PTPRD: variants seen among roughly 807,000 people sequenced by gnomAD.
The protein encoded by PTPRD is receptor-type tyrosine-protein phosphatase delta.
Under a neutral mutation model 214.5 loss-of-function variants are expected in PTPRD, and 34 were observed. That is an observed-to-expected ratio of 0.16 (90% CI 0.12 to 0.21). The LOEUF is 0.21. PTPRD is among the 10% of genes least tolerant of loss of function. The pLI is 1.00. For synonymous variants in PTPRD, 1,128 were observed against 845.7 expected, an observed-to-expected ratio of 1.33 and a Z score of -5.79; for missense variants, 2,545 against 2,398.7, an observed-to-expected ratio of 1.06 and a Z score of -1.27.
intron 9 of PTPRD, among the ~76,000 whole-genome samples, chr9:9,335,272 T>A (rs1595952654): frequency 1.3e-5 from 2 of 152,074 alleles, no homozygotes; most frequent in East Asian, 3.9e-4. Flanking sequence ...GAATTACTCA[T>A]CACCAATCTG....
chr9:9,424,452 T>G (rs2080051237), intron 8 of PTPRD, among the ~76,000 whole-genome samples: 1 of 152,136 alleles, frequency 6.6e-6, no homozygotes, highest in Non-Finnish European at 1.5e-5. Flanking sequence ...GTGTAGAAAT[T>G]CCATAGTTCA....
chr9:10,305,927 T>A (rs894474616), intron 3 of PTPRD, among the ~76,000 whole-genome samples: 1 of 152,110 alleles, frequency 6.6e-6, no homozygotes, highest in South Asian at 2.1e-4. Context: ...ACTGGGTATA[T>A]ACCCAAAGGA....
chr9:8,988,135 G>T (rs955072571), intron 11 of PTPRD, among the ~76,000 whole-genome samples: 23 of 151,976 alleles, frequency 1.5e-4, no homozygotes, highest in African/African-American at 5.6e-4. Flanking sequence ...GCATTTCAAG[G>T]AGGTAGTTGT....
intron 39 of PTPRD, among the ~76,000 whole-genome samples, chr9:8,373,580 G>A (rs967679405): frequency 1.3e-5 from 2 of 151,228 alleles, no homozygotes; most frequent in African/African-American, 2.4e-5. Context: ...TCTCAGAGGT[G>A]AGTCCAGGTG....
chr9:10,349,651 T>A (rs2097149215), intron 2 of PTPRD, among the ~76,000 whole-genome samples: 1 of 152,188 alleles, frequency 6.6e-6, no homozygotes, highest in Non-Finnish European at 1.5e-5. Flanking sequence ...AAAAAGGTCA[T>A]TTTCATTTCA....
At chr9:9,055,020 G>T (rs1353483951) in intron 10 of PTPRD, among the ~76,000 whole-genome samples, 9 of 152,232 alleles carry the variant, frequency 5.9e-5, no homozygotes, top group African/African-American at 2.2e-4. Context: ...TTACATATTT[G>T]CAAGGACTGA....
At chr9:9,534,107 T>A (rs1336043283) in intron 8 of PTPRD, among the ~76,000 whole-genome samples, 4 of 151,662 alleles carry the variant, frequency 2.6e-5, no homozygotes, top group Non-Finnish European at 5.9e-5. Context: ...CAAAAGAGAG[T>A]GCTCTTATAA....
chr9:9,161,171 T>G (rs1426813785), intron 10 of PTPRD, among the ~76,000 whole-genome samples: 1 of 152,098 alleles, frequency 6.6e-6, no homozygotes, highest in Non-Finnish European at 1.5e-5. Flanking sequence ...TATTGTATAT[T>G]TCAGAATAAG....
At chr9:8,476,387 G>A (rs2096765589) in intron 30 of PTPRD, among the ~76,000 whole-genome samples, 1 of 152,132 alleles carries the variant, frequency 6.6e-6, no homozygotes, top group Non-Finnish European at 1.5e-5. Context: ...ACCTCCTGCT[G>A]TGTGGTCGGG....
chr9:9,472,450 G>A (rs990739001), intron 8 of PTPRD, among the ~76,000 whole-genome samples: 3 of 151,702 alleles, frequency 2.0e-5, no homozygotes, highest in African/African-American at 7.3e-5. Context: ...TGATCCACCC[G>A]CCTCGGCCTC....
At chr9:9,630,295 G>T (rs571044896) in intron 7 of PTPRD, among the ~76,000 whole-genome samples, 2 of 152,252 alleles carry the variant, frequency 1.3e-5, no homozygotes, top group East Asian at 3.9e-4. Context: ...ATATAGCAAA[G>T]AAAAAGAATT....
chr9:10,070,253 T>A (rs2097976335), intron 3 of PTPRD, among the ~76,000 whole-genome samples: 1 of 152,054 alleles, frequency 6.6e-6, no homozygotes. Flanking sequence ...CCCTGCAGCT[T>A]TTCAAGCTCT....
At chr9:9,121,030 T>C (rs2099817124) in intron 10 of PTPRD, among the ~76,000 whole-genome samples, 1 of 152,082 alleles carries the variant, frequency 6.6e-6, no homozygotes, top group Admixed American at 6.6e-5. Context: ...CTTTTAGCGG[T>C]GAGGAAAAGA....
At chr9:9,575,001 G>C (rs181862185) in intron 7 of PTPRD, among the ~76,000 whole-genome samples, 51 of 152,222 alleles carry the variant, frequency 3.4e-4, no homozygotes, top group African/African-American at 1.2e-3. Flanking sequence ...CTTTAATGCA[G>C]TGATGACAAA....
At chr9:10,572,451 G>C (rs1389023158) in intron 2 of PTPRD, among the ~76,000 whole-genome samples, 2 of 152,142 alleles carry the variant, frequency 1.3e-5, no homozygotes, top group East Asian at 3.8e-4. Flanking sequence ...TGAAGAAAGT[G>C]ATTTGACCAA....
intron 9 of PTPRD, among the ~76,000 whole-genome samples, chr9:9,210,196 T>G (rs1214521637): frequency 1.3e-5 from 2 of 152,130 alleles, no homozygotes; most frequent in African/African-American, 4.8e-5. Context: ...GCATCTCTGC[T>G]CACTAGATGT....
chr9:9,854,540 T>G (rs1475715753), intron 5 of PTPRD, among the ~76,000 whole-genome samples: 1 of 152,114 alleles, frequency 6.6e-6, no homozygotes. Flanking sequence ...ATATCTAATC[T>G]TTTCTCAGAA....
chr9:8,949,654 A>C (rs915956705), intron 11 of PTPRD, among the ~76,000 whole-genome samples: 1 of 152,150 alleles, frequency 6.6e-6, no homozygotes, highest in Non-Finnish European at 1.5e-5. Flanking sequence ...TCTCATTATG[A>C]CATCTCATCC....
At chr9:9,716,220 A>G (rs996111841) in intron 7 of PTPRD, among the ~76,000 whole-genome samples, 3 of 152,166 alleles carry the variant, frequency 2.0e-5, no homozygotes, top group African/African-American at 7.2e-5. Context: ...TCCATGGTGT[A>G]TATGTGCCAC....
Sources: gnomAD v4.1 joint callset for allele counts (sites outside exome capture counted in the v4.1 genomes callset) on GRCh38, gnomAD v4.1.1 for gene constraint, MANE v1.5 for transcripts, NCBI Gene and HGNC (gene_info 2026-07-23, HGNC 2026-07-21) for gene names.